Variants in ALDH6A1 observed in about 807,000 individuals in gnomAD.
The protein encoded by ALDH6A1 is aldehyde dehydrogenase 6 family member A1.
Under a neutral mutation model 62.6 loss-of-function variants are expected in ALDH6A1, and 43 were observed. The ratio of observed to expected loss-of-function variants is 0.69; its 90% CI spans 0.54 to 0.89. ALDH6A1 has a LOEUF of 0.89. ALDH6A1 is among the 40% of genes least tolerant of loss of function. The pLI, the probability that ALDH6A1 is intolerant of heterozygous loss-of-function variation, is 0.00. For synonymous variants in ALDH6A1, 194 were observed against 234.2 expected (o/e 0.83, Z 1.57); for missense variants, 551 against 661.3 (o/e 0.83, Z 1.83).
Position 74,072,241 on chromosome 14 carries a change from C to T in ALDH6A1, c.310G>A (p.Val104Ile), listed in dbSNP as rs1382290653. 1 of 1,614,248 alleles carries T rather than the reference C, an allele frequency of 6.2e-7. No individual in the cohort carries two copies. The highest frequency in any genetic ancestry group is 1.1e-5 in the South Asian group (1 of 91,088). Residue 104 changes from valine to isoleucine, a missense_variant, in exon 4 of 12, where the codon GTC becomes ATC. Physicochemically the swap from Val to Ile is conservative, Grantham distance 29. Transcript: ENST00000553458. ...ADTSVLSRQQ[V>I]LLRYQQLIKE... is the part of the protein sequence containing the mutation. ...ATAAGTTGTTGATAGCGGAGCAAGA[C>T]CTGCTGGCGGCTTAATACTGAAGTG...
chr14:74,078,417 G>A (rs1225215093), intron 1 of ALDH6A1: 6 of 338,588 alleles, frequency 1.8e-5, no homozygotes, highest in Non-Finnish European at 2.3e-5. Flanking sequence ...GCAGTGGCAT[G>A]ATCATAGCTC....
In ALDH6A1 at chr14:74,071,294, A is replaced by G. The variant is rs772004711; in HGVS notation, c.631T>C (p.Ser211Pro). The change falls in exon 6 of 12, where the codon TCT becomes CCT. Residue 211 changes from serine (S) to proline (P), a missense_variant. Ser to Pro is a moderately conservative substitution (Grantham distance 74). Transcript: ENST00000553458. ...ATAGTTGCTCCAGGGACTCGCTCAGATGGTTTCATTAGGAAGGTATTTCCA... is the reference window on the plus strand; with the variant it reads ...ATAGTTGCTCCAGGGACTCGCTCAGGTGGTTTCATTAGGAAGGTATTTCCA... ...VCGNTFLMKP[S>P]ERVPGATMLL... The G allele has an allele frequency of 1.3e-5, 21 of 1,614,054 alleles. 2 individuals carry two copies. The South Asian group carries it at 2.2e-4, about 17-fold the overall frequency.
At chr14:74,064,314 ATAATAATAATAG>A (rs1247695116) in intron 11 of ALDH6A1, among the ~76,000 whole-genome samples, 4 of 143,900 alleles carry the variant, frequency 2.8e-5, no homozygotes, top group Non-Finnish European at 4.6e-5. Context: ...AAAAAAAATA[ATAATAATAATAG>A]TAATAATAAT....
intron 10 of ALDH6A1, 65 bp downstream of exon 10, chr14:74,065,114 ATT>A (rs2139764208): frequency 6.3e-7 from 1 of 1,577,956 alleles, no homozygotes; most frequent in South Asian, 1.1e-5. Context: ...ACTCACCATT[ATT>A]TACTGTTTCC....
chr14:74,071,931 A>G lies in ALDH6A1; in HGVS notation c.392T>C (p.Leu131Pro), dbSNP rs1217471261. Reference sequence around the variant, plus strand: ...AAATACATCTCCTTCAGCATCAGCTAGGGTCTTCCCTTGTTCCAATGTGAT... The same window carrying G: ...AAATACATCTCCTTCAGCATCAGCTGGGGTCTTCCCTTGTTCCAATGTGAT... The part of the protein sequence containing the change: ...KLITLEQGKT[L>P]ADAEGDVFRG... Residue 131 changes from leucine to proline, a missense_variant, in exon 5 of 12, where the codon CTA becomes CCA. Leu to Pro is a moderately conservative substitution (Grantham distance 98). Transcript: ENST00000553458. The G allele has an allele frequency of 6.2e-7, 1 of 1,614,218 alleles. No homozygotes were observed. The highest frequency in any genetic ancestry group is 1.1e-5 in the South Asian group (1 of 91,078).
rs186681165 is a variant in ALDH6A1, at chr14:74,062,143, G to A, written c.1504-1397C>T. On this transcript the variant is annotated intron_variant, in intron 11 of 11. Coordinates refer to ENST00000553458, the MANE Select transcript of ALDH6A1 (RefSeq NM_005589.4). Reference sequence around the variant, plus strand: ...CCTGGGAGGTGGAGGTTGCAAGTGAGCCGAGAATGCACCATTGCACTCCAG... The same window carrying A: ...CCTGGGAGGTGGAGGTTGCAAGTGAACCGAGAATGCACCATTGCACTCCAG... 4.0e-5 allele frequency among the ~76,000 whole-genome samples: 6 copies of A among 150,672 alleles called. No homozygotes were observed. In the East Asian group the frequency reaches 1.2e-3, roughly 30 times the overall value.
At chr14:74,075,501 A>T (rs183888756) in intron 1 of ALDH6A1, among the ~76,000 whole-genome samples, 46 of 152,140 alleles carry the variant, frequency 3.0e-4, no homozygotes, top group African/African-American at 9.9e-4. Flanking sequence ...ACAAAAAATT[A>T]AAAAATTAGC....
intron 5 of ALDH6A1, 153 bp downstream of exon 5, chr14:74,071,743 T>C (rs1350629766): frequency 8.4e-6 from 12 of 1,427,402 alleles, no homozygotes; most frequent in African/African-American, 1.4e-5. Context: ...GTCTTAGGGA[T>C]ACTGAATACT....
chr14:74,079,330 T>A (rs944520496), intron 1 of ALDH6A1, among the ~76,000 whole-genome samples: 1 of 151,710 alleles, frequency 6.6e-6, no homozygotes, highest in Non-Finnish European at 1.5e-5. Flanking sequence ...CACTGCAACC[T>A]CCACCTCCCG....
At chr14:74,070,320 A>T (rs1429781568) in intron 6 of ALDH6A1, among the ~76,000 whole-genome samples, 3 of 152,054 alleles carry the variant, frequency 2.0e-5, no homozygotes, top group Non-Finnish European at 4.4e-5. Context: ...GGAGTTTGAG[A>T]CTAGCCTGGC....
chr14:74,079,885 A>G (rs527730422), intron 1 of ALDH6A1, among the ~76,000 whole-genome samples: 97 of 152,130 alleles, frequency 6.4e-4, no homozygotes, highest in Non-Finnish European at 1.1e-3. Flanking sequence ...GATAATTTTA[A>G]AAATTAGTTG....
chr14:74,076,520 C>T (rs1335813314), intron 1 of ALDH6A1, among the ~76,000 whole-genome samples: 2 of 151,902 alleles, frequency 1.3e-5, no homozygotes, highest in East Asian at 3.9e-4. Flanking sequence ...TGCCACCACG[C>T]CCAGCTAATT....
At chr14:74,070,934 C>CT in intron 6 of ALDH6A1, 1 of 479,348 alleles carries the variant, frequency 2.1e-6, no homozygotes, top group Non-Finnish European at 3.8e-6. Flanking sequence ...AAAAAAGTTT[C>CT]TTTTTAATCT....
At chr14:74,070,668 T>TTGACGG (rs11281872) in intron 6 of ALDH6A1, 87,274 of 171,158 alleles carry the variant, frequency 0.51, 23,205 homozygotes, top group East Asian at 0.89. Context: ...CATCCTGGCT[T>TTGACGG]TTTCTAGCAC....
At chr14:74,065,970 C>T (rs985498745) in intron 9 of ALDH6A1, 1 of 156,314 alleles carries the variant, frequency 6.4e-6, no homozygotes, top group Non-Finnish European at 1.4e-5. Context: ...ACATTCAACA[C>T]TTGATGATTC....
At chr14:74,072,443 T>C (rs2060563338) in intron 3 of ALDH6A1, 79 bp from the exon 4 acceptor site, 1 of 1,613,330 alleles carries the variant, frequency 6.2e-7, no homozygotes, top group African/African-American at 1.3e-5. Flanking sequence ...AGTGGCACTA[T>C]GTGCTTTACA....
In ALDH6A1 at chr14:74,067,438, T is replaced by C. The variant is rs776977128; in HGVS notation, c.984A>G (p.Glu328=). 2.5e-6 allele frequency: 4 copies of C among 1,614,130 alleles called. No individual in the cohort carries two copies. The highest frequency in any genetic ancestry group is 3.4e-6 in the Non-Finnish European group (4 of 1,180,044). ...MALSTAVLVG[E]AKKWLPELVE... is the part of the protein sequence containing the mutation. ...CCAGCTCTGGCAGCCACTTCTTGGC[T>C]TCTCCCACAAGGACTGCTGTTGAAA... The change falls in exon 8 of 12, where the codon GAA becomes GAG. Residue 328 remains glutamate, a synonymous_variant. Transcript: ENST00000553458.
At chr14:74,076,967 C>G (rs968794681) in intron 1 of ALDH6A1, among the ~76,000 whole-genome samples, 1 of 152,158 alleles carries the variant, frequency 6.6e-6, no homozygotes, top group African/African-American at 2.4e-5. Context: ...TTTTATCTTG[C>G]CTGAAAAGGG....
Position 74,064,839 on chromosome 14 carries a change from T to C in ALDH6A1, c.1486A>G (p.Asn496Asp). ...GSRSSFRGDT[N>D]FYGKQGIQFY... is the part of the protein sequence containing the mutation. ...AAAGTTACCTGTTTGCCATAGAAATTGGTGTCTCCCCTGAAGGAGGATCGA... is the reference window on the plus strand; with the variant it reads ...AAAGTTACCTGTTTGCCATAGAAATCGGTGTCTCCCCTGAAGGAGGATCGA... The change falls in exon 11 of 12, where the codon AAT (asparagine) becomes GAT (aspartate). Residue 496 changes from asparagine to aspartate, a missense_variant. Coordinates refer to ENST00000553458, the MANE Select transcript of ALDH6A1 (RefSeq NM_005589.4). The C allele has an allele frequency of 6.2e-7, 1 of 1,614,014 alleles. No homozygotes were observed. Among genetic ancestry groups the C allele is most frequent in the Non-Finnish European group, 8.5e-7 (1 of 1,179,966 alleles).
Sources: gnomAD v4.1 joint callset for allele counts (sites outside exome capture counted in the v4.1 genomes callset) on GRCh38, gnomAD v4.1.1 for gene constraint, MANE v1.5 for transcripts, NCBI Gene and HGNC (gene_info 2026-07-23, HGNC 2026-07-21) for gene names.